CCDC33: variants seen among roughly 807,000 people sequenced by gnomAD.
CCDC33 encodes the protein coiled-coil domain-containing protein 33.
Under a neutral mutation model 91.9 loss-of-function variants are expected in CCDC33, and 94 were observed. The observed-to-expected ratio is 1.02, with a 90% CI of 0.87 to 1.21. The LOEUF (loss-of-function observed/expected upper bound fraction) is 1.21. CCDC33 is among the 50% of genes most tolerant of loss of function. The pLI, the probability that CCDC33 is intolerant of heterozygous loss-of-function variation, is 0.00. For missense variants in CCDC33, 940 were observed against 935.5 expected (o/e 1.00, Z -0.06); for synonymous variants, 396 against 374.5 (o/e 1.06, Z -0.66).
chr15:74,210,674 G>T (rs560442066), intron 2 of CCDC33, among the ~76,000 whole-genome samples: 1 of 152,190 alleles, frequency 6.6e-6, no homozygotes, highest in African/African-American at 2.4e-5. Flanking sequence ...TGTGAGTAAG[G>T]AGCTGTGAAG....
intron 18 of CCDC33, 175 bp from the exon 19 acceptor site, chr15:74,335,750 C>A: frequency 1.6e-6 from 1 of 612,830 alleles, no homozygotes; most frequent in Non-Finnish European, 2.9e-6. Context: ...CCCTGGGGAC[C>A]CTTGGAGAAA....
At chr15:74,255,070 C>G (rs776974014) in intron 2 of CCDC33, among the ~76,000 whole-genome samples, 1 of 150,210 alleles carries the variant, frequency 6.7e-6, no homozygotes, top group Non-Finnish European at 1.5e-5. Flanking sequence ...AAGAGATCCC[C>G]CCTCACCTAG....
rs141859848 is a variant in CCDC33, at chr15:74,285,928, C to T, written c.1095+4079C>T. ...TTATTGCACATTCAGTGGGGACTGG[C>T]CTTTGAGGTCCATTAGGCTCTAAAA... On this transcript the variant is annotated intron_variant, in intron 10 of 18. Transcript: ENST00000398814. 2.5e-4 allele frequency among the ~76,000 whole-genome samples: 38 copies of T among 152,268 alleles called. No homozygotes were observed. In the East Asian group the frequency reaches 7.3e-3, roughly 29 times the overall value.
intron 11 of CCDC33, among the ~76,000 whole-genome samples, chr15:74,308,715 A>AT (rs371337870): frequency 6.6e-6 from 1 of 152,108 alleles, no homozygotes; most frequent in Non-Finnish European, 1.5e-5. Flanking sequence ...CTGCAGCAGA[A>AT]TTTTTTTCAC....
chr15:74,221,248 A>G (rs1264658215), intron 2 of CCDC33: 2 of 757,626 alleles, frequency 2.6e-6, no homozygotes, highest in Non-Finnish European at 3.0e-6. Flanking sequence ...TTTTTTCACC[A>G]GAACTGATGA....
chr15:74,313,686 G>A lies in CCDC33; in HGVS notation c.1291-16503G>A, dbSNP rs536697316. On this transcript the variant is annotated intron_variant, in intron 11 of 18. Transcript: ENST00000398814. The stretch of plus-strand genomic sequence containing the variant: ...TAGCCCAGCACAGATTTCTAACCCC[G>A]GAGGGCTATGAATGCTGAGCTGGCC... Among the ~76,000 whole-genome samples, 23 of 152,178 alleles carry A rather than the reference G, an allele frequency of 1.5e-4. 1 individual carries two copies. The South Asian group carries it at 3.7e-3, about 25-fold the overall frequency.
chr15:74,209,002 C>T (rs2074325417), intron 1 of CCDC33: 1 of 1,053,514 alleles, frequency 9.5e-7, no homozygotes, highest in South Asian at 3.5e-5. Context: ...GAAGTGTCCC[C>T]AGCACCTGCT....
intron 11 of CCDC33, among the ~76,000 whole-genome samples, chr15:74,315,002 T>G (rs2060063543): frequency 6.6e-6 from 1 of 152,034 alleles, no homozygotes; most frequent in South Asian, 2.1e-4. Context: ...CCCACCCCCG[T>G]GTGTCTGATG....
intron 2 of CCDC33, among the ~76,000 whole-genome samples, chr15:74,227,319 C>CTTTGCAAGCTGTTCCTTAGCCCA: frequency 6.6e-6 from 1 of 152,210 alleles, no homozygotes; most frequent in Non-Finnish European, 1.5e-5. Flanking sequence ...GAGACTCACA[C>CTTTGCAAGCTGTTCCTTAGCCCA]TTTGCAAGCT....
chr15:74,272,602 G>A (rs989810501), intron 6 of CCDC33, among the ~76,000 whole-genome samples, 169 bp from the exon 7 acceptor site: 1 of 152,212 alleles, frequency 6.6e-6, no homozygotes, highest in Non-Finnish European at 1.5e-5. Context: ...GATGATTGAT[G>A]CACGCCCAGC....
chr15:74,208,030 C>A, intron 1 of CCDC33: 1 of 1,365,630 alleles, frequency 7.3e-7, no homozygotes, highest in Non-Finnish European at 9.5e-7. Context: ...TCATGCCCCC[C>A]TCACCAACAG....
rs370172798 is a variant in CCDC33, at chr15:74,294,726, AAG to A, written c.1096-1023_1096-1022del. On this transcript the variant is annotated intron_variant, in intron 10 of 18. Coordinates refer to ENST00000398814, the MANE Select transcript of CCDC33 (RefSeq NM_025055.5). Reference sequence around the variant, plus strand: ...CATGGCACTGCACTCCAGCCCGGGCAAGAGAGCAAGACTCTGTCTCAAAAAAA... The same window carrying A: ...CATGGCACTGCACTCCAGCCCGGGCAAGAGCAAGACTCTGTCTCAAAAAAA... Among the ~76,000 whole-genome samples the A allele has an allele frequency of 3.3e-4, 49 of 150,708 alleles. No homozygotes were observed. The East Asian group carries it at 7.2e-3, about 22-fold the overall frequency.
Position 74,332,745 on chromosome 15 carries a change from T to A in CCDC33, c.1838T>A (p.Leu613His), listed in dbSNP as rs776209207. 28 of 1,614,070 alleles carry A rather than the reference T, an allele frequency of 1.7e-5. No individual in the cohort carries two copies. Among genetic ancestry groups the A allele is most frequent in the Non-Finnish European group, 2.3e-5 (27 of 1,180,022 alleles). ...GSMGENLPVE[L>H]YSVLLAENAK... ...ATGGGAGAGAACCTGCCGGTTGAAC[T>A]TTACTCGGTGCTGCTGGCAGAAAAC... Residue 613 changes from leucine (L) to histidine (H), a missense_variant, in exon 16 of 19, where the codon CTT (leucine) becomes CAT (histidine). Transcript: ENST00000398814.
intron 2 of CCDC33, among the ~76,000 whole-genome samples, chr15:74,223,774 GCACACACACACACA>G (rs34461827): frequency 6.9e-6 from 1 of 145,506 alleles, no homozygotes; most frequent in Non-Finnish European, 1.5e-5. Flanking sequence ...ACGCAAGCAT[GCACACACACACACA>G]CACACACAGC....
chr15:74,321,155 G>T (rs1033335826), intron 11 of CCDC33, among the ~76,000 whole-genome samples: 2 of 152,172 alleles, frequency 1.3e-5, no homozygotes, highest in African/African-American at 4.8e-5. Context: ...CTGGTCTCTG[G>T]AACTGGAGGA....
At chr15:74,239,058 A>G (rs886346141) in intron 1 of CCDC33, among the ~76,000 whole-genome samples, 5 of 152,242 alleles carry the variant, frequency 3.3e-5, no homozygotes, top group African/African-American at 4.8e-5. Context: ...TCCTTGTGAA[A>G]CTGCTGGGAA....
In CCDC33 at chr15:74,273,338, G is replaced by A. The variant is rs551439037; in HGVS notation, c.759+447G>A. Among the ~76,000 whole-genome samples the A allele has an allele frequency of 2.3e-4, 35 of 152,328 alleles. 1 individual carries two copies. In the South Asian group the frequency reaches 3.7e-3, roughly 16 times the overall value. On this transcript the variant is annotated intron_variant, in intron 7 of 18. Coordinates refer to ENST00000398814, the MANE Select transcript of CCDC33 (RefSeq NM_025055.5). Reference sequence around the variant, plus strand: ...GTACCTAGTTTCCGTTTCAAGTGATGAAAAGTCCTGGAAATAGATAGTGGT... The same window carrying A: ...GTACCTAGTTTCCGTTTCAAGTGATAAAAAGTCCTGGAAATAGATAGTGGT...
chr15:74,254,617 T>C (rs351161), intron 2 of CCDC33, among the ~76,000 whole-genome samples: 150,657 of 152,248 alleles, frequency 0.99, 74,569 homozygotes, highest in East Asian at 1. Context: ...CCAGGACAAC[T>C]CCCTCTCCTG....
rs1596016947 is a variant in CCDC33, at chr15:74,280,541, T to A, written c.890-127T>A. ...GCCCTGAAGATGAGAAGAGGATGTA[T>A]GTGCAGGGAAAGGCCAGGAGGCAGG... On this transcript the variant is annotated intron_variant, in intron 8 of 18. Transcript: ENST00000398814. 3 of 1,033,918 alleles carry A rather than the reference T, an allele frequency of 2.9e-6. No homozygotes were observed. In the East Asian group the frequency reaches 8.1e-5, roughly 28 times the overall value. The allele number at this position is 1,033,918 out of a possible 1,614,324, so 64.0% of individuals were successfully genotyped here.
Sources: allele counts gnomAD v4.1 joint callset (sites outside exome capture counted in the v4.1 genomes callset), GRCh38; gene constraint gnomAD v4.1.1; transcripts MANE v1.5; gene names NCBI Gene and HGNC (gene_info 2026-07-23, HGNC 2026-07-21).